ELMO1: variants seen among roughly 807,000 people sequenced by gnomAD.
ELMO1 encodes the protein engulfment and cell motility 1, also known as engulfment and cell motility protein 1.
Under a neutral mutation model 98.9 loss-of-function variants are expected in ELMO1, and 26 were observed. That is an observed-to-expected ratio of 0.26 (90% CI 0.19 to 0.36). ELMO1 has a LOEUF of 0.36. ELMO1 is among the 10% of genes least tolerant of loss of function. ELMO1 has a pLI of 1.00. For missense variants in ELMO1, 627 were observed against 935.2 expected (o/e 0.67, Z 4.30); for synonymous variants, 346 against 346.0 (o/e 1.00, Z 0.00).
chr7:37,354,670 G>A (rs919003090), intron 1 of ELMO1, among the ~76,000 whole-genome samples: 3 of 152,084 alleles, frequency 2.0e-5, no homozygotes, highest in African/African-American at 2.4e-5. Context: ...CTGTTGTAAT[G>A]CCAGTGGCTG....
intron 14 of ELMO1, 39 bp from the exon 15 acceptor site, chr7:37,096,766 A>T (rs371177084): frequency 1.3e-6 from 2 of 1,559,316 alleles, no homozygotes; most frequent in South Asian, 2.2e-5. Context: ...AGGAAATTCA[A>T]TTGTGGAAAA....
chr7:37,166,720 TG>T, intron 13 of ELMO1, among the ~76,000 whole-genome samples: 1 of 152,356 alleles, frequency 6.6e-6, no homozygotes, highest in African/African-American at 2.4e-5. Flanking sequence ...TTATAATTTC[TG>T]CTCTTTTACA....
chr7:37,388,075 C>T (rs1465400261), intron 1 of ELMO1, among the ~76,000 whole-genome samples: 1 of 152,054 alleles, frequency 6.6e-6, no homozygotes, highest in Admixed American at 6.5e-5. Context: ...TGGCCCCAAG[C>T]AATCCTCCAG....
At chr7:36,916,699 T>TCTGGTTCCC (rs1784718213) in intron 16 of ELMO1, among the ~76,000 whole-genome samples, 1 of 152,250 alleles carries the variant, frequency 6.6e-6, no homozygotes, top group Non-Finnish European at 1.5e-5. Context: ...CAGCCTTCCC[T>TCTGGTTCCC]CTGGTTCCCC....
At chr7:36,916,873 T>C (rs1784728554) in intron 16 of ELMO1, among the ~76,000 whole-genome samples, 1 of 152,246 alleles carries the variant, frequency 6.6e-6, no homozygotes, top group Non-Finnish European at 1.5e-5. Context: ...GAGGAAGGAC[T>C]GGTTTACAGT....
intron 2 of ELMO1, among the ~76,000 whole-genome samples, chr7:37,324,079 AC>A (rs541208607): frequency 5.3e-5 from 8 of 150,580 alleles, no homozygotes; most frequent in Admixed American, 4.0e-4. Context: ...TTCCCAGGAG[AC>A]CCCCCAGCTG....
At chr7:37,171,346 A>G (rs191823087) in intron 13 of ELMO1, among the ~76,000 whole-genome samples, 133 of 152,192 alleles carry the variant, frequency 8.7e-4, no homozygotes, top group Non-Finnish European at 1.5e-3. Context: ...GTATCTACCA[A>G]TCAGTGGCGT....
At chr7:37,301,418 G>A (rs1272158191) in intron 4 of ELMO1, among the ~76,000 whole-genome samples, 3 of 151,938 alleles carry the variant, frequency 2.0e-5, no homozygotes, top group Non-Finnish European at 4.4e-5. Flanking sequence ...AGATCACAAT[G>A]AATCACTTTT....
chr7:37,335,852 G>A lies in ELMO1; in HGVS notation c.78+6761C>T, dbSNP rs139449919. Among the ~76,000 whole-genome samples the A allele has an allele frequency of 7.4e-3, 1,124 of 152,300 alleles. 8 individuals carry two copies. Among genetic ancestry groups the A allele is most frequent in the Middle Eastern group, 0.014 (4 of 294 alleles). On this transcript the variant is annotated intron_variant, in intron 2 of 21. Coordinates refer to ENST00000310758, the MANE Select transcript of ELMO1 (RefSeq NM_014800.11). ...ATCCCCTCGCCTGATGAGATGGCCCGTGCTGGCTTTTCTTGGGTGAAGGTG... is the reference window on the plus strand; with the variant it reads ...ATCCCCTCGCCTGATGAGATGGCCCATGCTGGCTTTTCTTGGGTGAAGGTG...
chr7:37,141,126 C>A (rs1787610198), intron 13 of ELMO1, among the ~76,000 whole-genome samples: 1 of 152,152 alleles, frequency 6.6e-6, no homozygotes, highest in South Asian at 2.1e-4. Flanking sequence ...AATATGGAAC[C>A]AGCCCAAATG....
At chr7:37,226,788 A>C (rs1053325670) in intron 8 of ELMO1, among the ~76,000 whole-genome samples, 1 of 152,132 alleles carries the variant, frequency 6.6e-6, no homozygotes, top group Non-Finnish European at 1.5e-5. Context: ...CACTCTTTTC[A>C]TTCAGCCAAT....
intron 1 of ELMO1, among the ~76,000 whole-genome samples, chr7:37,424,109 G>C (rs79739930): frequency 0.1 from 15,301 of 152,202 alleles, 860 homozygotes; most frequent in Admixed American, 0.11. Flanking sequence ...AAGAGGCCAG[G>C]TGCATGCCAC....
chr7:36,866,353 T>C (rs568322477), intron 20 of ELMO1, among the ~76,000 whole-genome samples: 1 of 152,292 alleles, frequency 6.6e-6, no homozygotes, highest in South Asian at 2.1e-4. Context: ...TCCGTAAAAA[T>C]GTGCCTGCTG....
chr7:37,267,450 G>C (rs150639292), intron 5 of ELMO1, among the ~76,000 whole-genome samples: 4 of 152,194 alleles, frequency 2.6e-5, no homozygotes, highest in Non-Finnish European at 5.9e-5. Flanking sequence ...GCGCGCGCAC[G>C]CGTGTGTGTG....
chr7:37,435,671 T>G lies in ELMO1; in HGVS notation c.-74+13004A>C, dbSNP rs574504509. Among the ~76,000 whole-genome samples the G allele has an allele frequency of 2.4e-4, 37 of 152,374 alleles. 1 individual carries two copies. In the South Asian group the frequency reaches 7.5e-3, roughly 31 times the overall value. On this transcript the variant is annotated intron_variant, in intron 1 of 21. Transcript: ENST00000310758. ...GACGCCGAGTCTCAGACTGTTTCAT[T>G]ACACACTTGCACATGCTAGAATGGT...
chr7:37,307,077 G>A (rs1798648880), intron 4 of ELMO1, among the ~76,000 whole-genome samples: 2 of 152,138 alleles, frequency 1.3e-5, no homozygotes, highest in South Asian at 2.1e-4. Context: ...TCTCATTGCA[G>A]CACATTAACT....
At chr7:37,108,070 T>C (rs966317241) in intron 14 of ELMO1, among the ~76,000 whole-genome samples, 6 of 152,168 alleles carry the variant, frequency 3.9e-5, no homozygotes, top group African/African-American at 9.7e-5. Context: ...AATGAAAAAA[T>C]TGACTGAAAC....
intron 13 of ELMO1, among the ~76,000 whole-genome samples, chr7:37,169,874 A>T (rs1790031284): frequency 6.6e-6 from 1 of 152,180 alleles, no homozygotes; most frequent in South Asian, 2.1e-4. Context: ...AATTATATTT[A>T]ATCATTATCT....
chr7:37,422,026 T>C (rs1006378355), intron 1 of ELMO1, among the ~76,000 whole-genome samples: 4 of 152,196 alleles, frequency 2.6e-5, no homozygotes, highest in Non-Finnish European at 4.4e-5. Context: ...AAGAATGCAG[T>C]TCTCAAGCCA....
Sources: gnomAD v4.1 joint callset for allele counts (sites outside exome capture counted in the v4.1 genomes callset) on GRCh38, gnomAD v4.1.1 for gene constraint, MANE v1.5 for transcripts, NCBI Gene and HGNC (gene_info 2026-07-23, HGNC 2026-07-21) for gene names.